The following ADAMTS16 variants were observed in gnomAD, a reference collection of about 807,000 sequenced individuals.
The protein encoded by ADAMTS16 is ADAM metallopeptidase with thrombospondin type 1 motif 16, also known as A disintegrin and metalloproteinase with thrombospondin motifs 16.
In ADAMTS16, 94 loss-of-function variants were observed where a neutral mutation model predicts 145.8. The ratio of observed to expected loss-of-function variants is 0.64; its 90% confidence interval spans 0.55 to 0.77. ADAMTS16 has a LOEUF of 0.77. ADAMTS16 is among the 30% of genes least tolerant of loss of function. The pLI is 0.00. For missense variants in ADAMTS16, 1,585 were observed against 1,591.5 expected, an observed-to-expected ratio of 1.00 and a Z score of 0.07; for synonymous variants, 659 against 604.3, an observed-to-expected ratio of 1.09 and a Z score of -1.33.
chr5:5,287,589 G>A (rs1260791217), intron 18 of ADAMTS16, among the ~76,000 whole-genome samples: 1 of 152,178 alleles, frequency 6.6e-6, no homozygotes, highest in Non-Finnish European at 1.5e-5. Flanking sequence ...AGAGTTCTTG[G>A]ATCCAATGAT....
chr5:5,218,575 C>T (rs1211058279), intron 10 of ADAMTS16, among the ~76,000 whole-genome samples: 1 of 152,246 alleles, frequency 6.6e-6, no homozygotes, highest in African/African-American at 2.4e-5. Flanking sequence ...AGACCCTGTG[C>T]CTTATTCCAA....
At chr5:5,227,058 A>G (rs1027906735) in intron 11 of ADAMTS16, among the ~76,000 whole-genome samples, 1 of 152,238 alleles carries the variant, frequency 6.6e-6, no homozygotes, top group African/African-American at 2.4e-5. Context: ...TAGTCCTTAC[A>G]TTGAACCCTC....
chr5:5,199,490 C>CAGGT (rs1327980715), intron 8 of ADAMTS16, among the ~76,000 whole-genome samples: 2 of 152,144 alleles, frequency 1.3e-5, no homozygotes, highest in Non-Finnish European at 1.5e-5. Flanking sequence ...GCTACTCTCT[C>CAGGT]CAAATAGACA....
intron 18 of ADAMTS16, among the ~76,000 whole-genome samples, chr5:5,293,884 A>G (rs1310522766): frequency 2.0e-5 from 3 of 151,844 alleles, no homozygotes; most frequent in Non-Finnish European, 4.4e-5. Context: ...GCCCATCTTT[A>G]CTCTAACAGC....
chr5:5,299,765 C>T (rs775960908), intron 18 of ADAMTS16, among the ~76,000 whole-genome samples: 101 of 152,296 alleles, frequency 6.6e-4, no homozygotes, highest in East Asian at 3.9e-4. Context: ...GCAGTGGAAA[C>T]TGACTGATTT....
chr5:5,320,012 C>A lies in ADAMTS16; in HGVS notation c.*874C>A, dbSNP rs548648287. The A allele has an allele frequency of 6.8e-6, 3 of 440,036 alleles. No individual in the cohort carries two copies. The Admixed American group carries it at 7.8e-5, about 11-fold the overall frequency. The allele number at this position is 440,036 out of a possible 1,614,324, so 27.3% of individuals were successfully genotyped here. A position where few individuals can be genotyped will look rare whatever the true frequency, so the allele number is the denominator to read the frequency against. On this transcript the variant is annotated 3_prime_UTR_variant, in exon 23 of 23. Transcript: ENST00000274181. The surrounding 1 kb of genome is among the most constrained non-coding windows in gnomAD (Gnocchi z 5.1). ...AGAGTTATGGTTCTATTATAGCAGA[C>A]GTCAGCCACACAGCCTATGTGACAA...
chr5:5,154,500 T>C (rs1168868442), intron 3 of ADAMTS16, among the ~76,000 whole-genome samples: 1 of 152,224 alleles, frequency 6.6e-6, no homozygotes, highest in Non-Finnish European at 1.5e-5. Flanking sequence ...AACAGATTTT[T>C]CTATTAATTT....
At chr5:5,213,780 A>T (rs1409994615) in intron 10 of ADAMTS16, among the ~76,000 whole-genome samples, 1 of 152,050 alleles carries the variant, frequency 6.6e-6, no homozygotes, top group Non-Finnish European at 1.5e-5. Context: ...TCCCAGCCCT[A>T]TGCATCCTCT....
intron 4 of ADAMTS16, among the ~76,000 whole-genome samples, chr5:5,183,612 A>G (rs1735406115): frequency 6.6e-6 from 1 of 152,202 alleles, no homozygotes; most frequent in African/African-American, 2.4e-5. Flanking sequence ...AACATCAAGC[A>G]ATGCAGACCA....
At chr5:5,222,225 G>T (rs1316790047) in intron 10 of ADAMTS16, among the ~76,000 whole-genome samples, 1 of 152,142 alleles carries the variant, frequency 6.6e-6, no homozygotes, top group Non-Finnish European at 1.5e-5. Flanking sequence ...GGCAAAGAAG[G>T]TCATGTTCAC....
chr5:5,303,839 TTCTCTTCTCACTTCTC>T (rs1390635296), intron 20 of ADAMTS16, 73 bp downstream of exon 20: 1 of 1,519,220 alleles, frequency 6.6e-7, no homozygotes, highest in Non-Finnish European at 9.0e-7. Context: ...CTCCTGGTTT[TTCTCTTCTCACTTCTC>T]TCTCTTCTCC....
intron 18 of ADAMTS16, among the ~76,000 whole-genome samples, chr5:5,288,692 T>A (rs980693646): frequency 6.6e-6 from 1 of 152,238 alleles, no homozygotes; most frequent in African/African-American, 2.4e-5. Flanking sequence ...ACTAAATGTA[T>A]ACATTTTTTC....
rs188317166 is a variant in ADAMTS16 at position 5,294,602 on chromosome 5, T to C, written c.2790-8666T>C. Among the ~76,000 whole-genome samples, 247 of 152,330 alleles carry C rather than the reference T, an allele frequency of 1.6e-3. 3 individuals are homozygous for C. Among genetic ancestry groups the C allele is most frequent in the African/African-American group, 5.6e-3 (233 of 41,566 alleles). On this transcript the variant is annotated intron_variant, in intron 18 of 22. Transcript: ENST00000274181. ...TCACCTAAATATGCTTTCACAGAAATGTCTAGAATAATGCTCAGCTAAATA... is the reference window on the plus strand; with the variant it reads ...TCACCTAAATATGCTTTCACAGAAACGTCTAGAATAATGCTCAGCTAAATA...
Position 5,269,678 on chromosome 5 carries a change from G to A in ADAMTS16, c.2789+6895G>A, listed in dbSNP as rs556632879. Among the ~76,000 whole-genome samples the A allele has an allele frequency of 1.3e-5, 2 of 152,254 alleles. No homozygotes were observed. The highest frequency in any genetic ancestry group is 3.9e-4 in the East Asian group (2 of 5,174). ...GGAAGTTACTATTTTTTCCATATAA[G>A]TGACCCATTTCGCCCAGTGGTTCCT... On this transcript the variant is annotated intron_variant, in intron 18 of 22. Coordinates refer to ENST00000274181, the MANE Select transcript of ADAMTS16 (RefSeq NM_139056.4). This position sits in a 1 kb window ranked among gnomAD's most constrained non-coding sequence, Gnocchi z 4.3.
chr5:5,207,531 T>C (rs938475499), intron 9 of ADAMTS16, among the ~76,000 whole-genome samples: 1 of 152,206 alleles, frequency 6.6e-6, no homozygotes, highest in Non-Finnish European at 1.5e-5. Flanking sequence ...TTTTATGTAA[T>C]ATTCTTGCTT....
chr5:5,252,285 G>A (rs889193005), intron 17 of ADAMTS16, among the ~76,000 whole-genome samples: 5 of 152,260 alleles, frequency 3.3e-5, no homozygotes, highest in African/African-American at 1.2e-4. Flanking sequence ...TGTACTCCAG[G>A]GAGCCCCCAG....
At chr5:5,227,573 C>A (rs1287747735) in intron 11 of ADAMTS16, among the ~76,000 whole-genome samples, 2 of 151,600 alleles carry the variant, frequency 1.3e-5, no homozygotes, top group Non-Finnish European at 2.9e-5. Context: ...ATATTTCCCC[C>A]AACCTCCTTA....
intron 6 of ADAMTS16, among the ~76,000 whole-genome samples, chr5:5,188,996 A>T (rs191157403): frequency 1.3e-5 from 2 of 152,330 alleles, no homozygotes; most frequent in Admixed American, 1.3e-4. Context: ...CCTGGAAATC[A>T]CCTGCTAAAG....
chr5:5,199,261 G>A (rs1236238696), intron 8 of ADAMTS16, among the ~76,000 whole-genome samples: 2 of 152,290 alleles, frequency 1.3e-5, no homozygotes, highest in East Asian at 1.9e-4. Context: ...ATTTTCTCAG[G>A]TGTTATTAAG....
Sources: allele counts gnomAD v4.1 joint callset (sites outside exome capture counted in the v4.1 genomes callset), GRCh38; gene constraint gnomAD v4.1.1; non-coding constraint Gnocchi (gnomAD v3.1); transcripts MANE v1.5; gene names NCBI Gene and HGNC (gene_info 2026-07-23, HGNC 2026-07-21).